CNTNAP2: variants seen among roughly 807,000 people sequenced by gnomAD.
CNTNAP2 encodes contactin-associated protein-like 2.
In CNTNAP2, 98 loss-of-function variants were observed where a neutral mutation model predicts 155.2. That is an observed-to-expected ratio of 0.63 (90% confidence interval 0.54 to 0.75). The LOEUF is 0.75. Ranked by LOEUF, CNTNAP2 falls within the 30% of genes least tolerant of loss-of-function variation. The pLI is 0.00. For synonymous variants in CNTNAP2, 651 were observed against 631.2 expected (o/e 1.03, Z -0.47); for missense variants, 1,727 against 1,688.1 (o/e 1.02, Z -0.40).
At chr7:147,149,735 A>G (rs370790730) in intron 8 of CNTNAP2, among the ~76,000 whole-genome samples, 1 of 152,204 alleles carries the variant, frequency 6.6e-6, no homozygotes, top group Admixed American at 6.5e-5. Context: ...ATAGATACAT[A>G]GATAGAACAG....
At chr7:146,860,651 ATTAATG>A (rs1455841045) in intron 3 of CNTNAP2, among the ~76,000 whole-genome samples, 3 of 152,192 alleles carry the variant, frequency 2.0e-5, no homozygotes, top group African/African-American at 7.2e-5. Flanking sequence ...TATTTTAAAA[ATTAATG>A]TTAGTTTAAA....
chr7:146,746,209 A>C (rs904251091), intron 1 of CNTNAP2, among the ~76,000 whole-genome samples: 1 of 152,236 alleles, frequency 6.6e-6, no homozygotes, highest in Non-Finnish European at 1.5e-5. Flanking sequence ...TGGTTTTGAC[A>C]AAATGTGTTG....
chr7:146,865,814 A>G (rs544966049), intron 3 of CNTNAP2, among the ~76,000 whole-genome samples: 1 of 152,296 alleles, frequency 6.6e-6, no homozygotes, highest in African/African-American at 2.4e-5. Context: ...ATGACACACT[A>G]AGAAAATGAA....
chr7:146,395,271 T>C (rs568143648), intron 1 of CNTNAP2, among the ~76,000 whole-genome samples: 19 of 152,264 alleles, frequency 1.2e-4, no homozygotes, highest in Non-Finnish European at 2.4e-4. Context: ...AATCTGAGGC[T>C]CAGAGCTAGT....
At chr7:148,280,610 A>G (rs1796959610) in intron 21 of CNTNAP2, among the ~76,000 whole-genome samples, 1 of 151,988 alleles carries the variant, frequency 6.6e-6, no homozygotes, top group Non-Finnish European at 1.5e-5. Flanking sequence ...GACTCAATTA[A>G]AGTTTCAATT....
At chr7:146,574,315 G>C (rs961786629) in intron 1 of CNTNAP2, among the ~76,000 whole-genome samples, 6 of 152,132 alleles carry the variant, frequency 3.9e-5, no homozygotes, top group Admixed American at 3.9e-4. Context: ...CGCACACATA[G>C]AGCAAAATTA....
At chr7:146,612,804 T>A (rs1335992105) in intron 1 of CNTNAP2, among the ~76,000 whole-genome samples, 1 of 152,092 alleles carries the variant, frequency 6.6e-6, no homozygotes, top group Non-Finnish European at 1.5e-5. Flanking sequence ...ATCTGAAAAA[T>A]TTTTTTATAA....
intron 3 of CNTNAP2, among the ~76,000 whole-genome samples, chr7:147,034,735 T>G (rs1487437390): frequency 6.6e-6 from 1 of 152,048 alleles, no homozygotes; most frequent in Admixed American, 6.6e-5. Flanking sequence ...GGTCCTCCCC[T>G]GGAGCTGGGC....
chr7:147,941,762 A>T (rs1025084907), intron 14 of CNTNAP2, among the ~76,000 whole-genome samples: 15 of 152,186 alleles, frequency 9.9e-5, no homozygotes, highest in Admixed American at 6.5e-4. Flanking sequence ...ATGTCCCCAT[A>T]AACAAGGGAC....
intron 14 of CNTNAP2, among the ~76,000 whole-genome samples, chr7:147,932,776 C>G (rs1415069335): frequency 6.6e-6 from 1 of 152,108 alleles, no homozygotes; most frequent in Non-Finnish European, 1.5e-5. Flanking sequence ...GAAAAGGCAA[C>G]CTGTAGAATG....
chr7:148,201,254 T>G lies in CNTNAP2; in HGVS notation c.3011-16034T>G, dbSNP rs1477960500. On this transcript the variant is annotated intron_variant, in intron 18 of 23. Transcript: ENST00000361727. ...ATATCATGACTAAAAGGGAAAGACA[T>G]GCAGATCTTTGCTAGGAAGGCAAGA... 2.6e-5 allele frequency among the ~76,000 whole-genome samples: 4 copies of G among 152,192 alleles called. No homozygotes were observed. In the East Asian group the frequency reaches 7.7e-4, roughly 29 times the overall value.
rs141837274 is a variant in CNTNAP2 at position 146,655,158 on chromosome 7, A to G, written c.98-119113A>G. On this transcript the variant is annotated intron_variant, in intron 1 of 23. Transcript: ENST00000361727. ...GTCACATTTTTTAAAGATATCTGTAATCCCAGCACTTTGGGAGGCTGAGGC... is the reference window on the plus strand; with the variant it reads ...GTCACATTTTTTAAAGATATCTGTAGTCCCAGCACTTTGGGAGGCTGAGGC... Among the ~76,000 whole-genome samples, 656 of 152,172 alleles carry G rather than the reference A, an allele frequency of 4.3e-3. 12 individuals carry two copies. Among genetic ancestry groups the G allele is most frequent in the Admixed American group, 0.015 (232 of 15,288 alleles).
chr7:147,264,179 G>T (rs1233215111), intron 8 of CNTNAP2, among the ~76,000 whole-genome samples: 3 of 152,114 alleles, frequency 2.0e-5, no homozygotes. Flanking sequence ...CATGAAAAAT[G>T]ATTACTCAAA....
At chr7:147,889,020 G>A (rs986703887) in intron 13 of CNTNAP2, among the ~76,000 whole-genome samples, 4 of 152,042 alleles carry the variant, frequency 2.6e-5, no homozygotes, top group Non-Finnish European at 5.9e-5. Flanking sequence ...TATATGTAAG[G>A]AACAGAAACA....
chr7:146,834,642 T>A (rs925932807), intron 2 of CNTNAP2, among the ~76,000 whole-genome samples: 2 of 152,184 alleles, frequency 1.3e-5, no homozygotes, highest in South Asian at 2.1e-4. Flanking sequence ...ACTTCAACAA[T>A]ACACTAGTTA....
intron 20 of CNTNAP2, among the ~76,000 whole-genome samples, chr7:148,242,602 G>T (rs1269042522): frequency 6.6e-6 from 1 of 152,246 alleles, no homozygotes; most frequent in Non-Finnish European, 1.5e-5. Context: ...CGGATACCGC[G>T]ATGGCGGTAG....
At chr7:148,331,578 GGAAT>G in intron 21 of CNTNAP2, among the ~76,000 whole-genome samples, 1 of 33,990 alleles carries the variant, frequency 2.9e-5, no homozygotes, top group Non-Finnish European at 5.8e-5. Flanking sequence ...GTGGATGGAT[GGAAT>G]GGATGGATGG....
intron 1 of CNTNAP2, among the ~76,000 whole-genome samples, chr7:146,509,089 G>A (rs1489979925): frequency 1.3e-5 from 2 of 152,210 alleles, no homozygotes; most frequent in Non-Finnish European, 2.9e-5. Context: ...GGTCCCTCAT[G>A]TGGGAGGTAA....
intron 8 of CNTNAP2, among the ~76,000 whole-genome samples, chr7:147,205,274 A>T (rs567872893): frequency 1.3e-5 from 2 of 152,150 alleles, no homozygotes; most frequent in African/African-American, 2.4e-5. Context: ...AGTGTGCATT[A>T]TACCACTCTA....
Sources: allele counts gnomAD v4.1 joint callset (sites outside exome capture counted in the v4.1 genomes callset), GRCh38; gene constraint gnomAD v4.1.1; transcripts MANE v1.5; gene names NCBI Gene and HGNC (gene_info 2026-07-23, HGNC 2026-07-21).